Variants in KIF5C observed in about 807,000 individuals in gnomAD.
The protein encoded by KIF5C is kinesin heavy chain isoform 5C.
Under a neutral mutation model 125.2 loss-of-function variants are expected in KIF5C, and 18 were observed. The ratio of observed to expected loss-of-function variants is 0.14; its 90% CI spans 0.10 to 0.21. The LOEUF (loss-of-function observed/expected upper bound fraction) is 0.21. KIF5C is among the 10% of genes least tolerant of loss of function. The probability of loss-of-function intolerance (pLI) is 1.00; values close to 1 mark genes in which losing one functional copy is unlikely to be tolerated. For missense variants in KIF5C, 780 were observed against 1,183.8 expected, an observed-to-expected ratio of 0.66 and a Z score of 5.01; for synonymous variants, 405 against 434.0, an observed-to-expected ratio of 0.93 and a Z score of 0.83.
intron 3 of KIF5C, among the ~76,000 whole-genome samples, chr2:148,936,873 A>T (rs1159423544): frequency 6.6e-6 from 1 of 152,164 alleles, no homozygotes; most frequent in East Asian, 1.9e-4. Context: ...ATTAAACAAG[A>T]TTGCCTTACT....
rs1015213990 is a variant in KIF5C, at chr2:148,929,285, C to T, written c.222C>T (p.Val74=). ...ATTTCTTTTTCTTGTTCACAGATGT[C>T]CTTGAAGGTTATAACGGGACGATTT... is the stretch of plus-strand genomic sequence containing the variant. The part of the protein sequence containing the change: ...NACAKQIVKD[V]LEGYNGTIFA... Residue 74 remains valine, a synonymous_variant, in exon 3 of 26, where the codon GTC becomes GTT. Coordinates refer to ENST00000435030, the MANE Select transcript of KIF5C (RefSeq NM_004522.3). 1.3e-6 allele frequency: 2 copies of T among 1,531,184 alleles called. No homozygotes were observed. Among genetic ancestry groups the T allele is most frequent in the Non-Finnish European group, 1.8e-6 (2 of 1,141,588 alleles). The allele number at this position is 1,531,184 out of a possible 1,614,324, so 94.8% of individuals were successfully genotyped here.
chr2:148,992,991 C>A (rs1324385386), intron 16 of KIF5C, among the ~76,000 whole-genome samples: 1 of 152,174 alleles, frequency 6.6e-6, no homozygotes, highest in African/African-American at 2.4e-5. Flanking sequence ...CTGGACATAC[C>A]AGCTCCATGT....
In KIF5C at chr2:148,942,628, C is replaced by G. The variant is rs1256593967; in HGVS notation, c.502-45C>G. ...GTTTCAGCCTTTCAAAATATTGTTG[C>G]TTTTCAACTCTTTCAGTGGTGAACC... is the stretch of plus-strand genomic sequence containing the variant. On this transcript the variant is annotated intron_variant, in intron 6 of 25. Transcript: ENST00000435030. 1.9e-6 allele frequency: 3 copies of G among 1,573,256 alleles called. No homozygotes were observed. The Admixed American group carries it at 5.6e-5, about 29-fold the overall frequency.
chr2:148,960,510 G>T (rs1346858397), intron 10 of KIF5C, among the ~76,000 whole-genome samples: 1 of 152,186 alleles, frequency 6.6e-6, no homozygotes, highest in East Asian at 1.9e-4. Context: ...TAATAAAATT[G>T]CTGTTATTTG....
At chr2:148,923,341 G>A (rs1485150566) in intron 2 of KIF5C, among the ~76,000 whole-genome samples, 1 of 152,108 alleles carries the variant, frequency 6.6e-6, no homozygotes, top group African/African-American at 2.4e-5. Context: ...TGAGGTGGAT[G>A]GTTATTCACA....
intron 11 of KIF5C, among the ~76,000 whole-genome samples, chr2:148,962,988 C>A (rs1336865742): frequency 1.3e-5 from 2 of 152,220 alleles, no homozygotes; most frequent in East Asian, 3.9e-4. Context: ...TTTCCTTCTT[C>A]CCCAAAACAT....
rs1404218022 is a variant in KIF5C at position 148,951,543 on chromosome 2, G to A, written c.968+1081G>A. ...TTAGGTTCTATCCTTCAGCCCTCGT[G>A]CCTCAGTGTTCATTCCCAGAGTGCT... is the stretch of plus-strand genomic sequence containing the variant. On this transcript the variant is annotated intron_variant, in intron 10 of 25. Transcript: ENST00000435030. Among the ~76,000 whole-genome samples, 27 of 152,104 alleles carry A rather than the reference G, an allele frequency of 1.8e-4. 1 individual carries two copies. The highest frequency in any genetic ancestry group is 1.8e-3 in the Admixed American group (27 of 15,270).
Position 148,969,220 on chromosome 2 carries a change from G to A in KIF5C, c.1118-4116G>A, listed in dbSNP as rs1050680985. Among the ~76,000 whole-genome samples the A allele has an allele frequency of 7.2e-5, 11 of 152,176 alleles. No individual in the cohort carries two copies. In the South Asian group the frequency reaches 8.3e-4, roughly 11 times the overall value. Reference sequence around the variant, plus strand: ...TAGTGTGTCATTCTCATCTGTTGCCGTTGATGGATTTCTATTTTTTGTAGA... The same window carrying A: ...TAGTGTGTCATTCTCATCTGTTGCCATTGATGGATTTCTATTTTTTGTAGA... On this transcript the variant is annotated intron_variant, in intron 11 of 25. Transcript: ENST00000435030.
chr2:148,888,388 C>A (rs969631553), intron 1 of KIF5C: 2 of 152,262 alleles, frequency 1.3e-5, no homozygotes, highest in African/African-American at 4.8e-5. Context: ...GGTCCCTCTG[C>A]CCCGCAGGAC....
chr2:148,917,815 TC>T (rs1681622377), intron 1 of KIF5C, among the ~76,000 whole-genome samples: 1 of 152,194 alleles, frequency 6.6e-6, no homozygotes, highest in Non-Finnish European at 1.5e-5. Flanking sequence ...AGCAGAAAAA[TC>T]ATTCAAATCA....
At chr2:148,997,144 C>T (rs1002551800) in intron 17 of KIF5C, 120 bp from the exon 18 acceptor site, 82 of 1,428,400 alleles carry the variant, frequency 5.7e-5, no homozygotes, top group Non-Finnish European at 6.8e-5. Context: ...GTTGTAATTG[C>T]TGATATAAGC....
intron 11 of KIF5C, among the ~76,000 whole-genome samples, chr2:148,965,893 CA>C (rs966583084): frequency 4.6e-5 from 7 of 151,904 alleles, no homozygotes; most frequent in Non-Finnish European, 8.8e-5. Context: ...AATATCACGC[CA>C]AAAAAAGGGG....
At chr2:148,940,228 T>C (rs1682376052) in intron 4 of KIF5C, among the ~76,000 whole-genome samples, 1 of 151,974 alleles carries the variant, frequency 6.6e-6, no homozygotes, top group African/African-American at 2.4e-5. Context: ...GACAGACCCA[T>C]AAGGATGTGG....
chr2:149,001,320 C>T (rs1461431154), intron 21 of KIF5C, among the ~76,000 whole-genome samples: 2 of 152,158 alleles, frequency 1.3e-5, no homozygotes, highest in African/African-American at 2.4e-5. Context: ...AGGAGAAGAA[C>T]TGAGCACAGA....
intron 22 of KIF5C, among the ~76,000 whole-genome samples, 184 bp from the exon 23 acceptor site, chr2:149,007,779 C>A (rs1682052862): frequency 1.3e-5 from 2 of 151,738 alleles, no homozygotes; most frequent in South Asian, 4.2e-4. Context: ...CCTCAAATCG[C>A]TTTTCATACT....
intron 1 of KIF5C, 79 bp from the exon 2 acceptor site, chr2:148,922,058 C>A: frequency 1.1e-6 from 1 of 925,610 alleles, no homozygotes; most frequent in East Asian, 2.6e-5. Flanking sequence ...GGCCTAGCTA[C>A]TAATGTTTGC....
rs1682669328 is a variant in KIF5C at position 149,025,719 on chromosome 2, A to T, written c.*2649A>T. 6.6e-6 allele frequency: 1 copy of T among 152,266 alleles called. No individual in the cohort carries two copies. The highest frequency in any genetic ancestry group is 2.1e-4 in the South Asian group (1 of 4,836). The allele number at this position is 152,266 out of a possible 1,614,324, so 9.4% of individuals were successfully genotyped here. A position where few individuals can be genotyped will look rare whatever the true frequency, so the allele number is the denominator to read the frequency against. ...TATATGAATAATCTTTATCTGCAGG[A>T]TGGTGGATTGGTAAATTAGGAGAAT... is the stretch of plus-strand genomic sequence containing the variant. On this transcript the variant is annotated 3_prime_UTR_variant, in exon 26 of 26. Transcript: ENST00000435030.
chr2:148,974,568 C>T (rs144195223), intron 12 of KIF5C, among the ~76,000 whole-genome samples: 109 of 152,264 alleles, frequency 7.2e-4, no homozygotes, highest in African/African-American at 2.2e-3. Context: ...ATAAAATATT[C>T]GCACCCACGA....
At chr2:148,927,729 G>C (rs1235010033) in intron 2 of KIF5C, among the ~76,000 whole-genome samples, 1 of 151,984 alleles carries the variant, frequency 6.6e-6, no homozygotes, top group Admixed American at 6.5e-5. Flanking sequence ...CTGGCCTAAG[G>C]AATCTTTTCT....
Sources: gnomAD v4.1 joint callset for allele counts (sites outside exome capture counted in the v4.1 genomes callset) on GRCh38, gnomAD v4.1.1 for gene constraint, MANE v1.5 for transcripts, NCBI Gene and HGNC (gene_info 2026-07-23, HGNC 2026-07-21) for gene names.